ABI3BP: variants seen among roughly 807,000 people sequenced by gnomAD.
ABI3BP encodes the protein ABI family member 3 binding protein.
A neutral mutation model predicts 268.6 loss-of-function variants in ABI3BP; 216 were observed. That is an observed-to-expected ratio of 0.80 (90% confidence interval 0.72 to 0.90). ABI3BP has a LOEUF of 0.90. Ranked by LOEUF, ABI3BP falls within the 40% of genes least tolerant of loss-of-function variation. The probability of loss-of-function intolerance (pLI) is 0.00; values close to 1 mark genes in which losing one functional copy is unlikely to be tolerated. For synonymous variants in ABI3BP, 730 were observed against 730.0 expected, an observed-to-expected ratio of 1.00 and a Z score of 0.00; for missense variants, 2,090 against 2,182.4, an observed-to-expected ratio of 0.96 and a Z score of 0.84.
intron 1 of ABI3BP, among the ~76,000 whole-genome samples, chr3:100,955,023 C>T (rs2076359904): frequency 8.5e-6 from 1 of 117,506 alleles, no homozygotes; most frequent in Non-Finnish European, 1.6e-5. Flanking sequence ...GCTCAACTGG[C>T]AAGAGATTGG....
chr3:100,910,891 A>G (rs1376012252), intron 2 of ABI3BP: 2 of 154,202 alleles, frequency 1.3e-5, no homozygotes, highest in Non-Finnish European at 2.9e-5. Context: ...CAACATAGTA[A>G]AAACAATAGA....
chr3:100,840,261 G>A, intron 22 of ABI3BP, 97 bp from the exon 23 acceptor site: 1 of 913,462 alleles, frequency 1.1e-6, no homozygotes. Context: ...TAAACCCTTT[G>A]ATTTACTGTG....
At chr3:100,901,141 G>A (rs2050110789) in intron 3 of ABI3BP, among the ~76,000 whole-genome samples, 1 of 152,186 alleles carries the variant, frequency 6.6e-6, no homozygotes. Context: ...TCACTAACAA[G>A]TTGTAAGGAG....
At chr3:100,888,650 C>T (rs1434207743) in intron 4 of ABI3BP, among the ~76,000 whole-genome samples, 1 of 152,040 alleles carries the variant, frequency 6.6e-6, no homozygotes, top group Non-Finnish European at 1.5e-5. Flanking sequence ...TAAATCTTTT[C>T]CATTTTGATC....
intron 46 of ABI3BP, 77 bp from the exon 47 acceptor site, chr3:100,811,876 A>T (rs2097868662): frequency 2.8e-6 from 3 of 1,060,756 alleles, no homozygotes; most frequent in Non-Finnish European, 4.2e-6. Context: ...CATTTAATTT[A>T]AAAATAGAAT....
In ABI3BP at chr3:100,926,510, CT is replaced by C. The variant is rs551843732; in HGVS notation, c.80-30del. On this transcript the variant is annotated intron_variant, in intron 1 of 67. Coordinates refer to ENST00000471714, the MANE Select transcript of ABI3BP (RefSeq NM_001375547.2). ...ACAATGGGAATGAAAACATCGATGG[CT>C]GTTACTTCCCCTTTTTAGCATCCTA... 8.3e-4 allele frequency: 1,327 copies of C among 1,595,788 alleles called. 2 individuals are homozygous for C. The highest frequency in any genetic ancestry group is 1.1e-3 in the Non-Finnish European group (1,257 of 1,164,434).
intron 1 of ABI3BP, among the ~76,000 whole-genome samples, chr3:100,978,138 TAAGAA>T (rs2087233842): frequency 6.6e-6 from 1 of 152,170 alleles, no homozygotes; most frequent in Admixed American, 6.6e-5. Flanking sequence ...CCCCTGAGCT[TAAGAA>T]AAGAAGCTCT....
rs182288133 is a variant in ABI3BP, at chr3:100,910,495, C to T, written c.260-7809G>A. On this transcript the variant is annotated intron_variant, in intron 2 of 67. Transcript: ENST00000471714. ...AAATTTTCATACAAATTTCTTTCTA[C>T]ATTGTGAAAATAAATTCTATTTCTT... 3.3e-5 allele frequency among the ~76,000 whole-genome samples: 5 copies of T among 151,768 alleles called. No individual in the cohort carries two copies. The East Asian group carries it at 5.8e-4, about 18-fold the overall frequency.
At chr3:100,895,472 A>G (rs2047248007) in intron 4 of ABI3BP, among the ~76,000 whole-genome samples, 1 of 152,264 alleles carries the variant, frequency 6.6e-6, no homozygotes. Flanking sequence ...TACAAAGTCC[A>G]TAGTCAAAAT....
intron 58 of ABI3BP, 32 bp from the exon 59 acceptor site, chr3:100,778,408 A>G: frequency 6.4e-7 from 1 of 1,567,078 alleles, no homozygotes; most frequent in Non-Finnish European, 8.7e-7. Context: ...TGTATTTTAG[A>G]TAAAGCCATC....
At chr3:100,908,729 T>A (rs1561536444) in intron 2 of ABI3BP, among the ~76,000 whole-genome samples, 1 of 152,166 alleles carries the variant, frequency 6.6e-6, no homozygotes, top group Non-Finnish European at 1.5e-5. Flanking sequence ...CAAGGAGAAC[T>A]ACAAACCACT....
At chr3:100,891,104 C>T (rs759375535) in intron 4 of ABI3BP, among the ~76,000 whole-genome samples, 3 of 151,340 alleles carry the variant, frequency 2.0e-5, no homozygotes, top group Non-Finnish European at 4.4e-5. Context: ...AAAAAAGTAA[C>T]GTGAGTCTGT....
chr3:100,770,239 A>G (rs1316573791), intron 62 of ABI3BP, among the ~76,000 whole-genome samples: 1 of 152,158 alleles, frequency 6.6e-6, no homozygotes, highest in Admixed American at 6.5e-5. Flanking sequence ...TAGTTTTTAC[A>G]ATCATTTTTA....
chr3:100,886,834 G>A (rs2042194846), intron 4 of ABI3BP, among the ~76,000 whole-genome samples: 1 of 151,820 alleles, frequency 6.6e-6, no homozygotes, highest in South Asian at 2.1e-4. Flanking sequence ...AGGTTGAGCT[G>A]TTTTTATTAT....
At chr3:100,993,245 A>G in intron 1 of ABI3BP, 61 bp downstream of exon 1, 1 of 1,182,776 alleles carries the variant, frequency 8.5e-7, no homozygotes, top group Non-Finnish European at 1.2e-6. Context: ...TTTAAAATCA[A>G]CATTTAAAAA....
intron 1 of ABI3BP, among the ~76,000 whole-genome samples, chr3:100,972,050 A>T (rs1228523540): frequency 6.6e-6 from 1 of 152,096 alleles, no homozygotes; most frequent in South Asian, 2.1e-4. Context: ...TAAGCACTGG[A>T]TTCTCACGAA....
rs149111890 is a variant in ABI3BP, at chr3:100,958,425, A to G, written c.80-31944T>C. Among the ~76,000 whole-genome samples the G allele has an allele frequency of 2.5e-3, 380 of 152,362 alleles. 1 individual carries two copies. Among genetic ancestry groups the G allele is most frequent in the African/African-American group, 8.5e-3 (355 of 41,582 alleles). On this transcript the variant is annotated intron_variant, in intron 1 of 67. Coordinates refer to ENST00000471714, the MANE Select transcript of ABI3BP (RefSeq NM_001375547.2). The stretch of plus-strand genomic sequence containing the variant: ...ACGGATAAGCAACAGTATTTTATCC[A>G]GGACAATTTTACCATATGATAAATA...
chr3:100,873,674 C>T (rs542812068), intron 9 of ABI3BP, among the ~76,000 whole-genome samples: 1 of 152,306 alleles, frequency 6.6e-6, no homozygotes, highest in East Asian at 1.9e-4. Flanking sequence ...ATCATTTCTT[C>T]TGCCTCTCTC....
intron 3 of ABI3BP, 54 bp from the exon 4 acceptor site, chr3:100,898,948 T>C: frequency 6.6e-7 from 1 of 1,522,342 alleles, no homozygotes; most frequent in Non-Finnish European, 8.8e-7. Context: ...TAAGTTGCCA[T>C]GATTCGGGTA....
Sources: gnomAD v4.1 joint callset for allele counts (sites outside exome capture counted in the v4.1 genomes callset) on GRCh38, gnomAD v4.1.1 for gene constraint, MANE v1.5 for transcripts, NCBI Gene and HGNC (gene_info 2026-07-23, HGNC 2026-07-21) for gene names.